Variants in KCNJ1 observed in about 807,000 individuals in gnomAD.
KCNJ1 encodes ATP-sensitive inward rectifier potassium channel 1.
Under a neutral mutation model 21.9 loss-of-function variants are expected in KCNJ1, and 24 were observed. The ratio of observed to expected loss-of-function variants is 1.10; its 90% CI spans 0.79 to 1.54. KCNJ1 has a LOEUF of 1.54. Ranked by LOEUF, KCNJ1 falls within the 40% of genes most tolerant of loss-of-function variation. KCNJ1 has a pLI of 0.00. For synonymous variants in KCNJ1, 152 were observed against 160.9 expected, an observed-to-expected ratio of 0.94 and a Z score of 0.42; for missense variants, 457 against 455.4, an observed-to-expected ratio of 1.00 and a Z score of -0.03.
At chr11:128,864,901 A>G (rs1943789902) in intron 1 of KCNJ1, among the ~76,000 whole-genome samples, 1 of 152,056 alleles carries the variant, frequency 6.6e-6, no homozygotes, top group African/African-American at 2.4e-5. Context: ...TGCACTGTGC[A>G]GGCAGAGCAA....
chr11:128,847,646 T>C (rs1943403906), intron 2 of KCNJ1, among the ~76,000 whole-genome samples: 1 of 152,184 alleles, frequency 6.6e-6, no homozygotes, highest in East Asian at 1.9e-4. Context: ...CAAAAACCTA[T>C]ACCTCTTCTT....
At chr11:128,863,301 G>A (rs1304436094) in intron 1 of KCNJ1, among the ~76,000 whole-genome samples, 2 of 152,160 alleles carry the variant, frequency 1.3e-5, no homozygotes, top group African/African-American at 4.8e-5. Context: ...AGGGACATTG[G>A]GAAATTCTAA....
chr11:128,838,300 T>C lies in KCNJ1; in HGVS notation c.*825A>G, dbSNP rs1490902618. The stretch of plus-strand genomic sequence containing the variant: ...TCCCACTTCTTCTTTAGAAATAGCA[T>C]TCCAGTACAAACTCTAGGTGGAGGA... On this transcript the variant is annotated 3_prime_UTR_variant, in exon 3 of 3. Transcript: ENST00000392666. The C allele has an allele frequency of 6.6e-6, 1 of 152,620 alleles. No homozygotes were observed. Among genetic ancestry groups the C allele is most frequent in the East Asian group, 1.9e-4 (1 of 5,190 alleles). The allele number at this position is 152,620 out of a possible 1,614,324, so 9.5% of individuals were successfully genotyped here.
intron 1 of KCNJ1, among the ~76,000 whole-genome samples, chr11:128,851,894 C>T (rs769538449): frequency 4.6e-5 from 7 of 152,204 alleles, no homozygotes; most frequent in Non-Finnish European, 7.3e-5. Flanking sequence ...CTTCCACAGA[C>T]ACACAAGATC....
intron 1 of KCNJ1, among the ~76,000 whole-genome samples, chr11:128,858,522 G>A (rs186460935): frequency 6.6e-6 from 1 of 152,288 alleles, no homozygotes; most frequent in East Asian, 1.9e-4. Flanking sequence ...TTGAAGGTGA[G>A]GGAAGACAAG....
intron 2 of KCNJ1, among the ~76,000 whole-genome samples, chr11:128,842,922 G>A (rs576094362): frequency 6.6e-6 from 1 of 152,252 alleles, no homozygotes; most frequent in Non-Finnish European, 1.5e-5. Context: ...ATATTTACAA[G>A]ACAAAAGTAA....
intron 1 of KCNJ1, among the ~76,000 whole-genome samples, chr11:128,855,914 A>G (rs1943579839): frequency 6.6e-6 from 1 of 152,244 alleles, no homozygotes; most frequent in Non-Finnish European, 1.5e-5. Flanking sequence ...CTCACCTGCC[A>G]GACCCAAGGA....
intron 1 of KCNJ1, among the ~76,000 whole-genome samples, chr11:128,863,405 C>T (rs765760207): frequency 3.4e-4 from 52 of 152,272 alleles, no homozygotes; most frequent in South Asian, 6.2e-4. Context: ...AACCAGAATG[C>T]AAAGTTTACA....
At chr11:128,840,307 A>G (rs1221564909) in intron 2 of KCNJ1, 43 bp from the exon 3 acceptor site, 7 of 1,584,926 alleles carry the variant, frequency 4.4e-6, no homozygotes, top group Non-Finnish European at 4.3e-6. Context: ...TTATGTTTAT[A>G]GCAATAGTGA....
intron 1 of KCNJ1, among the ~76,000 whole-genome samples, chr11:128,852,907 G>A (rs547261754): frequency 3.3e-5 from 5 of 152,380 alleles, no homozygotes; most frequent in African/African-American, 9.6e-5. Flanking sequence ...CACTGAGACC[G>A]ACCTCTCAGG....
intron 2 of KCNJ1, among the ~76,000 whole-genome samples, chr11:128,848,287 CAA>C (rs1002326097): frequency 0.013 from 618 of 48,848 alleles, no homozygotes; most frequent in African/African-American, 0.042. Context: ...GACTCCGTCT[CAA>C]AAAAAAAAAA....
intron 2 of KCNJ1, among the ~76,000 whole-genome samples, chr11:128,848,715 A>G (rs1420898642): frequency 6.6e-6 from 1 of 152,150 alleles, no homozygotes; most frequent in Non-Finnish European, 1.5e-5. Context: ...CTGCCACACA[A>G]TGGGAGCTAC....
chr11:128,858,528 A>G (rs1003009248), intron 1 of KCNJ1, among the ~76,000 whole-genome samples: 5 of 152,220 alleles, frequency 3.3e-5, no homozygotes, highest in Admixed American at 6.5e-5. Context: ...GTGAGGGAAG[A>G]CAAGATGTAT....
At chr11:128,850,977 AC>A in intron 1 of KCNJ1, 87 bp from the exon 2 acceptor site, 2 of 656,688 alleles carry the variant, frequency 3.0e-6, no homozygotes, top group Non-Finnish European at 3.8e-6. Context: ...GTTAGTTTGG[AC>A]CAGGAACACA....
chr11:128,839,922 C>T lies in KCNJ1; in HGVS notation c.322G>A (p.Gly108Ser), dbSNP rs758051466. ...NHTPCVENIN[G>S]LTSAFLFSLE... is the part of the protein sequence containing the mutation. Reference sequence around the variant, plus strand: ...GAAAACAGAAAAGCTGAGGTCAAGCCATTAATATTCTCCACACAGGGAGTG... The same window carrying T: ...GAAAACAGAAAAGCTGAGGTCAAGCTATTAATATTCTCCACACAGGGAGTG... Residue 108 changes from glycine (G) to serine (S), a missense_variant, in exon 3 of 3, where the codon GGC becomes AGC. Gly to Ser is a moderately conservative substitution (Grantham distance 56, BLOSUM62 0). Coordinates refer to ENST00000392666, the MANE Select transcript of KCNJ1 (RefSeq NM_153766.3). 6.2e-6 allele frequency: 10 copies of T among 1,614,118 alleles called. No individual in the cohort carries two copies. The highest frequency in any genetic ancestry group is 6.8e-6 in the Non-Finnish European group (8 of 1,180,028).
intron 1 of KCNJ1, among the ~76,000 whole-genome samples, chr11:128,852,460 G>A (rs575600808): frequency 1.3e-5 from 2 of 152,324 alleles, no homozygotes; most frequent in Non-Finnish European, 2.9e-5. Flanking sequence ...AAGGGTCAAT[G>A]ATTACCAGTT....
At position 128,839,727 on chromosome 11, in the gene KCNJ1, T is replaced by C; in HGVS notation, c.517A>G (p.Ile173Val). Residue 173 changes from isoleucine (I) to valine (V), a missense_variant, in exon 3 of 3, where the codon ATT (isoleucine) becomes GTT (valine). Physicochemically the swap from Ile to Val is conservative, Grantham distance 29. Transcript: ENST00000392666. ...ISRPKKRAKT[I>V]TFSKNAVISK... ...ATCACTGCGTTCTTGCTGAACGTAA[T>C]GGTCTTGGCACGTTTTTTGGGCCTG... 2 of 1,613,584 alleles carry C rather than the reference T, an allele frequency of 1.2e-6. No homozygotes were observed. Among genetic ancestry groups the C allele is most frequent in the Non-Finnish European group, 1.7e-6 (2 of 1,179,840 alleles).
chr11:128,843,666 G>T (rs74482813), intron 2 of KCNJ1, among the ~76,000 whole-genome samples: 1 of 152,182 alleles, frequency 6.6e-6, no homozygotes, highest in African/African-American at 2.4e-5. Flanking sequence ...ATGCCAAAAA[G>T]AATAACTTTT....
In KCNJ1 at chr11:128,842,311, A is replaced by G. The variant is rs370822433; in HGVS notation, c.-21-2047T>C. ...ATCACTTGAATAACGTTGAGTTTCCATGACTGCATTAATGATGAAACATTA... is the reference window on the plus strand; with the variant it reads ...ATCACTTGAATAACGTTGAGTTTCCGTGACTGCATTAATGATGAAACATTA... On this transcript the variant is annotated intron_variant, in intron 2 of 2. Coordinates refer to ENST00000392666, the MANE Select transcript of KCNJ1 (RefSeq NM_153766.3). 4.2e-4 allele frequency: 638 copies of G among 1,531,652 alleles called. 1 individual carries two copies. The highest frequency in any genetic ancestry group is 5.6e-4 in the Non-Finnish European group (615 of 1,105,950). 94.9% of individuals were successfully genotyped at this position (1,531,652 alleles called of 1,614,324 possible). A position where few individuals can be genotyped will look rare whatever the true frequency, so the allele number is the denominator to read the frequency against.
Sources: allele counts gnomAD v4.1 joint callset (sites outside exome capture counted in the v4.1 genomes callset), GRCh38; gene constraint gnomAD v4.1.1; transcripts MANE v1.5; gene names NCBI Gene and HGNC (gene_info 2026-07-23, HGNC 2026-07-21).